EPB41L1: variants seen among roughly 807,000 people sequenced by gnomAD.
EPB41L1 encodes erythrocyte membrane protein band 4.1 like 1, also known as band 4.1-like protein 1.
In EPB41L1, 29 loss-of-function variants were observed where a neutral mutation model predicts 97.8. The observed-to-expected ratio is 0.30, with a 90% confidence interval of 0.22 to 0.40. EPB41L1 has a LOEUF of 0.40. EPB41L1 is among the 10% of genes least tolerant of loss of function. EPB41L1 has a pLI of 1.00. For synonymous variants in EPB41L1, 383 were observed against 459.2 expected, an observed-to-expected ratio of 0.83 and a Z score of 2.12; for missense variants, 812 against 1,162.3, an observed-to-expected ratio of 0.70 and a Z score of 4.38.
rs1285535836 is a variant in EPB41L1, at chr20:36,093,990, A to C, written c.-65+2378A>C. Among the ~76,000 whole-genome samples, 3 of 151,910 alleles carry C rather than the reference A, an allele frequency of 2.0e-5. No homozygotes were observed. On this transcript the variant is annotated intron_variant, in intron 1 of 19. Coordinates refer to the EPB41L1 transcript ENST00000202028. This position sits in a 1 kb window ranked among gnomAD's most constrained non-coding sequence, Gnocchi z 5.4. ...CACTCTCTTAAAGGGCCAGCTCCTC[A>C]CTCCAGGGAATCCCTCCTCAGGAGA...
At chr20:36,142,728 A>G (rs1254290023) in intron 2 of EPB41L1, among the ~76,000 whole-genome samples, 1 of 152,072 alleles carries the variant, frequency 6.6e-6, no homozygotes, top group Non-Finnish European at 1.5e-5. Flanking sequence ...GAAGGGGCTT[A>G]CCTGCCCGGG....
intron 11 of EPB41L1, among the ~76,000 whole-genome samples, chr20:36,191,577 C>T (rs1394872618): frequency 2.0e-5 from 3 of 152,140 alleles, no homozygotes; most frequent in Admixed American, 2.0e-4. Context: ...AGTCTCTCCC[C>T]AGGATGTACA....
At chr20:36,097,819 G>A (rs2057881972) in intron 1 of EPB41L1, among the ~76,000 whole-genome samples, 1 of 152,222 alleles carries the variant, frequency 6.6e-6, no homozygotes, top group Non-Finnish European at 1.5e-5. Flanking sequence ...CAGGGATGAG[G>A]GTGGAGGAGT....
At chr20:36,185,038 G>A in intron 6 of EPB41L1, 79 bp from the exon 7 acceptor site, 1 of 1,422,354 alleles carries the variant, frequency 7.0e-7, no homozygotes, top group South Asian at 1.2e-5. Context: ...GTTCTATTTA[G>A]TTCTGATGGA....
intron 17 of EPB41L1, 50 bp downstream of exon 17, chr20:36,214,490 C>A: frequency 6.8e-7 from 1 of 1,469,686 alleles, no homozygotes; most frequent in East Asian, 2.3e-5. Context: ...CCTGCCCCAC[C>A]AAACAGCCAG....
At chr20:36,142,401 C>G (rs890870564) in intron 2 of EPB41L1, among the ~76,000 whole-genome samples, 4 of 150,528 alleles carry the variant, frequency 2.7e-5, no homozygotes, top group Non-Finnish European at 5.9e-5. Flanking sequence ...ATAGCCACAT[C>G]TTTGTGTCAT....
At chr20:36,186,771 T>C (rs917714421) in intron 7 of EPB41L1, among the ~76,000 whole-genome samples, 2 of 152,228 alleles carry the variant, frequency 1.3e-5, no homozygotes, top group African/African-American at 4.8e-5. Flanking sequence ...TACTAAGGGC[T>C]GTCCCTAAAG....
rs180749712 is a variant in EPB41L1 at position 36,134,952 on chromosome 20, C to T, written c.-10+22472C>T. On this transcript the variant is annotated intron_variant, in intron 2 of 19. Transcript: ENST00000202028. ...ACGGCCCACTGCATGCAACCTCCAC[C>T]TCCTGGGTTCAAGTGATTATCCTGC... Among the ~76,000 whole-genome samples, 54 of 151,266 alleles carry T rather than the reference C, an allele frequency of 3.6e-4. No homozygotes were observed. In the East Asian group the frequency reaches 8.2e-3, roughly 23 times the overall value.
intron 2 of EPB41L1, among the ~76,000 whole-genome samples, chr20:36,143,798 A>G (rs2059734000): frequency 6.6e-6 from 1 of 151,596 alleles, no homozygotes; most frequent in Admixed American, 6.6e-5. Context: ...TTTTCATTGC[A>G]TTTTCAAAGG....
chr20:36,185,745 C>G (rs1266952590), intron 7 of EPB41L1, among the ~76,000 whole-genome samples: 2 of 152,204 alleles, frequency 1.3e-5, no homozygotes, highest in Non-Finnish European at 2.9e-5. Context: ...CACTTTCTAA[C>G]TAGAGGATCT....
Position 36,195,321 on chromosome 20 carries a change from C to T in EPB41L1, c.1450-8C>T. On this transcript the variant is annotated splice_region_variant and splice_polypyrimidine_tract_variant and intron_variant, in intron 12 of 21. Transcript: ENST00000338074. This position sits in a 1 kb window ranked among gnomAD's most constrained non-coding sequence, Gnocchi z 4.6. Reference sequence around the variant, plus strand: ...CTGCTTTCTTTCCCTCCTACCACATCCCACTAGCCGGAGCAGGAAACCACG... The same window carrying T: ...CTGCTTTCTTTCCCTCCTACCACATTCCACTAGCCGGAGCAGGAAACCACG... 6.2e-7 allele frequency: 1 copy of T among 1,614,112 alleles called. No homozygotes were observed. The highest frequency in any genetic ancestry group is 8.5e-7 in the Non-Finnish European group (1 of 1,180,010).
At chr20:36,124,137 C>T (rs574611855) in intron 2 of EPB41L1, among the ~76,000 whole-genome samples, 6 of 152,144 alleles carry the variant, frequency 3.9e-5, no homozygotes, top group Admixed American at 6.5e-5. Flanking sequence ...CGCCTGTAGT[C>T]CCAGCTACTC....
chr20:36,155,280 C>T (rs769705709), intron 1 of EPB41L1: 1 of 424,316 alleles, frequency 2.4e-6, no homozygotes, highest in Non-Finnish European at 4.7e-6. Flanking sequence ...TTGGCTGGAG[C>T]CTGGGATGCT....
At chr20:36,097,261 G>C (rs1010751640) in intron 1 of EPB41L1, among the ~76,000 whole-genome samples, 1 of 152,196 alleles carries the variant, frequency 6.6e-6, no homozygotes, top group Non-Finnish European at 1.5e-5. Context: ...ACTTAGTAGT[G>C]GTTACTAGCA....
intron 19 of EPB41L1, 36 bp from the exon 20 acceptor site, chr20:36,221,828 A>G: frequency 6.3e-7 from 1 of 1,598,302 alleles, no homozygotes; most frequent in Non-Finnish European, 8.6e-7. Flanking sequence ...CCCCAACAGG[A>G]CCCAAGAGTG....
Position 36,114,534 on chromosome 20 carries a change from T to A in EPB41L1, c.-10+2054T>A, listed in dbSNP as rs536318842. 4.6e-5 allele frequency among the ~76,000 whole-genome samples: 7 copies of A among 152,158 alleles called. No individual in the cohort carries two copies. The East Asian group carries it at 1.4e-3, about 29-fold the overall frequency. On this transcript the variant is annotated intron_variant, in intron 2 of 19. Coordinates refer to the EPB41L1 transcript ENST00000202028. ...AGCACTGACCTTATCTTAGTTAGGG[T>A]CTATACAATTGGGCATGGCTTTTTT...
chr20:36,130,352 T>C (rs892365829), intron 2 of EPB41L1, among the ~76,000 whole-genome samples: 1 of 151,596 alleles, frequency 6.6e-6, no homozygotes, highest in African/African-American at 2.4e-5. Flanking sequence ...GAGCTTGGAG[T>C]GTTTCCTTTC....
chr20:36,209,439 C>G lies in EPB41L1; in HGVS notation c.1669-49C>G, dbSNP rs758570254. On this transcript the variant is annotated intron_variant, in intron 14 of 21. Transcript: ENST00000338074. The surrounding 1 kb of genome is among the most constrained non-coding windows in gnomAD (Gnocchi z 4.2). ...TCACCATCTTGATTTCTCTTTCTCTCTCTCTCCCCACCCCACATCCCCATT... is the reference window on the plus strand; with the variant it reads ...TCACCATCTTGATTTCTCTTTCTCTGTCTCTCCCCACCCCACATCCCCATT... 1 of 1,589,094 alleles carries G rather than the reference C, an allele frequency of 6.3e-7. No individual in the cohort carries two copies. The highest frequency in any genetic ancestry group is 8.6e-7 in the Non-Finnish European group (1 of 1,163,008).
At chr20:36,175,495 G>A in intron 2 of EPB41L1, 56 bp from the exon 3 acceptor site, 1 of 1,606,446 alleles carries the variant, frequency 6.2e-7, no homozygotes, top group Non-Finnish European at 8.5e-7. Context: ...TTACTTATAT[G>A]AAAGGCCATG....
Sources: allele counts gnomAD v4.1 joint callset (sites outside exome capture counted in the v4.1 genomes callset), GRCh38; gene constraint gnomAD v4.1.1; non-coding constraint Gnocchi (gnomAD v3.1); transcripts MANE v1.5; gene names NCBI Gene and HGNC (gene_info 2026-07-23, HGNC 2026-07-21).